ABI3BP: variants seen among roughly 807,000 people sequenced by gnomAD.
The protein encoded by ABI3BP is ABI family member 3 binding protein, also known as target of Nesh-SH3.
ABI3BP carries 216 observed loss-of-function variants against 268.6 expected under a neutral mutation model. That is an observed-to-expected ratio of 0.80 (90% CI 0.72 to 0.90). ABI3BP has a LOEUF of 0.90. ABI3BP is among the 40% of genes least tolerant of loss of function. The pLI, the probability that ABI3BP is intolerant of heterozygous loss-of-function variation, is 0.00. For missense variants in ABI3BP, 2,090 were observed against 2,182.4 expected, an observed-to-expected ratio of 0.96 and a Z score of 0.84; for synonymous variants, 730 against 730.0, an observed-to-expected ratio of 1.00 and a Z score of 0.00.
intron 10 of ABI3BP, among the ~76,000 whole-genome samples, chr3:100,865,779 A>G (rs558125603): frequency 6.6e-6 from 1 of 152,308 alleles, no homozygotes; most frequent in African/African-American, 2.4e-5. Context: ...ATAATTGGGG[A>G]AAGTGGGTAG....
At chr3:100,876,749 G>A (rs1248378026) in intron 6 of ABI3BP, among the ~76,000 whole-genome samples, 189 bp from the exon 7 acceptor site, 1 of 152,026 alleles carries the variant, frequency 6.6e-6, no homozygotes, top group African/African-American at 2.4e-5. Context: ...GGAGGCTGAG[G>A]CGGGTGGATC....
chr3:100,754,928 TA>T (rs958211959), intron 63 of ABI3BP, among the ~76,000 whole-genome samples: 160 of 152,320 alleles, frequency 1.1e-3, no homozygotes, highest in African/African-American at 3.4e-3. Flanking sequence ...TGGTTGTCTT[TA>T]AAAATCTCCC....
Position 100,821,131 on chromosome 3 carries a change from A to T in ABI3BP, c.2888-18T>A, listed in dbSNP as rs1360832524. ...AGTAGGAACTGATCAAAAGCATTAA[A>T]ATTAACCAAATGATTATTTTAAATG... On this transcript the variant is annotated intron_variant, in intron 38 of 67. Coordinates refer to ENST00000471714, the MANE Select transcript of ABI3BP (RefSeq NM_001375547.2). 1 of 1,531,506 alleles carries T rather than the reference A, an allele frequency of 6.5e-7. No homozygotes were observed. The highest frequency in any genetic ancestry group is 1.4e-5 in the African/African-American group (1 of 73,070). 94.9% of individuals were successfully genotyped at this position (1,531,506 alleles called of 1,614,324 possible).
chr3:100,824,858 C>T lies in ABI3BP; in HGVS notation c.2746G>A (p.Val916Ile). The change falls in exon 36 of 68, where the codon GTT becomes ATT. Residue 916 changes from valine to isoleucine, a missense_variant and splice_region_variant. Transcript: ENST00000471714. ...PSPQAPETKP[V>I]PATVLEPVTL... ...TTAAACCAAGGAATCACAGATTTAC[C>T]AGGTTTGGTCTCAGGTGCCTGAGGG... 6.5e-7 allele frequency: 1 copy of T among 1,535,018 alleles called. No individual in the cohort carries two copies. Among genetic ancestry groups the T allele is most frequent in the Non-Finnish European group, 8.7e-7 (1 of 1,145,922 alleles).
intron 35 of ABI3BP, 66 bp from the exon 36 acceptor site, chr3:100,825,007 T>C: frequency 7.3e-7 from 1 of 1,366,322 alleles, no homozygotes; most frequent in East Asian, 2.5e-5. Flanking sequence ...GAAAGGTTTT[T>C]CCAAAGCTTG....
intron 2 of ABI3BP, among the ~76,000 whole-genome samples, chr3:100,912,883 G>A (rs188642505): frequency 9.9e-5 from 15 of 152,262 alleles, no homozygotes; most frequent in East Asian, 1.9e-4. Context: ...GCTCACCAGC[G>A]CCCTGGGCTC....
chr3:100,935,832 C>A (rs995089646), intron 1 of ABI3BP, among the ~76,000 whole-genome samples: 10 of 152,042 alleles, frequency 6.6e-5, no homozygotes, highest in Admixed American at 2.6e-4. Context: ...GATTTTGTAT[C>A]CTGAGACTTT....
At chr3:100,787,292 A>C (rs1242479711) in intron 57 of ABI3BP, among the ~76,000 whole-genome samples, 2 of 152,176 alleles carry the variant, frequency 1.3e-5, no homozygotes, top group East Asian at 3.8e-4. Flanking sequence ...TTGTTGTTTA[A>C]ATTTCATATT....
intron 9 of ABI3BP, among the ~76,000 whole-genome samples, chr3:100,870,323 G>T (rs1170035369): frequency 6.6e-6 from 1 of 151,874 alleles, no homozygotes; most frequent in African/African-American, 2.4e-5. Flanking sequence ...ACAAAATAGC[G>T]AAACAAAATA....
chr3:100,981,431 G>A (rs1576319324), intron 1 of ABI3BP, among the ~76,000 whole-genome samples: 1 of 152,042 alleles, frequency 6.6e-6, no homozygotes, highest in Non-Finnish European at 1.5e-5. Context: ...GGAGGGGCAG[G>A]AGAAGGAGGA....
chr3:100,852,089 T>C (rs1202194136), intron 14 of ABI3BP, 149 bp from the exon 15 acceptor site: 17 of 667,416 alleles, frequency 2.5e-5, no homozygotes. Flanking sequence ...CTGCCAGCCT[T>C]GTCACTAACA....
intron 1 of ABI3BP, among the ~76,000 whole-genome samples, chr3:100,927,860 T>G (rs1217135598): frequency 6.6e-6 from 1 of 152,048 alleles, no homozygotes; most frequent in Non-Finnish European, 1.5e-5. Flanking sequence ...TGGCCCATAG[T>G]AATTGCTCAA....
intron 1 of ABI3BP, among the ~76,000 whole-genome samples, chr3:100,951,462 T>C (rs2074975920): frequency 6.6e-6 from 1 of 152,008 alleles, no homozygotes; most frequent in Non-Finnish European, 1.5e-5. Context: ...AGCTGCTAAC[T>C]AGTAAGTAGC....
chr3:100,762,317 C>T (rs1220277173), intron 63 of ABI3BP, among the ~76,000 whole-genome samples: 2 of 152,108 alleles, frequency 1.3e-5, no homozygotes, highest in Non-Finnish European at 2.9e-5. Flanking sequence ...CTGGCTGTAG[C>T]CTTGCTATCA....
chr3:100,856,437 T>C (rs1451317662), intron 14 of ABI3BP, among the ~76,000 whole-genome samples: 5 of 152,198 alleles, frequency 3.3e-5, no homozygotes, highest in Non-Finnish European at 5.9e-5. Flanking sequence ...AAGCTGACCA[T>C]GCTTGGTTCT....
chr3:100,938,712 A>G (rs1394110059), intron 1 of ABI3BP, among the ~76,000 whole-genome samples: 1 of 152,148 alleles, frequency 6.6e-6, no homozygotes, highest in Non-Finnish European at 1.5e-5. Context: ...AAATTAAATG[A>G]TGTTATCAAT....
chr3:100,966,651 T>A (rs1346491475), intron 1 of ABI3BP, among the ~76,000 whole-genome samples: 1 of 152,238 alleles, frequency 6.6e-6, no homozygotes, highest in Non-Finnish European at 1.5e-5. Flanking sequence ...ATATATGAAT[T>A]ACAGCAAAGA....
chr3:100,952,766 C>T (rs575031344), intron 1 of ABI3BP: 1 of 151,878 alleles, frequency 6.6e-6, no homozygotes, highest in Non-Finnish European at 1.5e-5. Context: ...AAATAAGACA[C>T]ATTAAAAAAA....
At chr3:100,873,438 G>A (rs2099129954) in intron 9 of ABI3BP, among the ~76,000 whole-genome samples, 2 of 152,010 alleles carry the variant, frequency 1.3e-5, no homozygotes, top group Admixed American at 1.3e-4. Context: ...GGGAGGGAAA[G>A]GGGGAAAAAG....
Sources: gnomAD v4.1 joint callset for allele counts (sites outside exome capture counted in the v4.1 genomes callset) on GRCh38, gnomAD v4.1.1 for gene constraint, MANE v1.5 for transcripts, NCBI Gene and HGNC (gene_info 2026-07-23, HGNC 2026-07-21) for gene names.